Variants in TRDN observed in about 807,000 individuals in gnomAD.
The protein encoded by TRDN is triadin, also known as triadin in skeletal muscle.
Under a neutral mutation model 149.7 loss-of-function variants are expected in TRDN, and 161 were observed. The ratio of observed to expected loss-of-function variants is 1.08; its 90% CI spans 0.95 to 1.23. TRDN has a LOEUF of 1.23. Ranked by LOEUF, TRDN falls within the 50% of genes most tolerant of loss-of-function variation. The pLI is 0.00. For synonymous variants in TRDN, 294 were observed against 250.5 expected, an observed-to-expected ratio of 1.17 and a Z score of -1.64; for missense variants, 896 against 823.5, an observed-to-expected ratio of 1.09 and a Z score of -1.08.
At chr6:123,343,908 T>C (rs949185906) in intron 21 of TRDN, among the ~76,000 whole-genome samples, 1 of 152,008 alleles carries the variant, frequency 6.6e-6, no homozygotes, top group Non-Finnish European at 1.5e-5. Context: ...ATGGCACCTC[T>C]GGCAGATAAT....
At chr6:123,340,690 G>A (rs546405440) in intron 21 of TRDN, among the ~76,000 whole-genome samples, 70 of 151,742 alleles carry the variant, frequency 4.6e-4, no homozygotes, top group East Asian at 2.1e-3. Context: ...ATTTTTTCAC[G>A]AACATAATGA....
At chr6:123,315,508 A>C (rs1239140749) in intron 24 of TRDN, among the ~76,000 whole-genome samples, 2 of 151,966 alleles carry the variant, frequency 1.3e-5, no homozygotes, top group Non-Finnish European at 2.9e-5. Context: ...TAACATATAC[A>C]TAGAAGGGTG....
At chr6:123,227,247 A>G (rs949100662) in intron 38 of TRDN, among the ~76,000 whole-genome samples, 2 of 151,892 alleles carry the variant, frequency 1.3e-5, no homozygotes, top group African/African-American at 4.8e-5. Context: ...TCCAAGTAGG[A>G]GTCACTGAAG....
chr6:123,244,262 A>C (rs930231943), intron 38 of TRDN, among the ~76,000 whole-genome samples: 5 of 152,182 alleles, frequency 3.3e-5, no homozygotes, highest in Non-Finnish European at 7.3e-5. Context: ...AATTGACAGA[A>C]GTAGGCTTCA....
At chr6:123,224,014 G>GAAA in intron 39 of TRDN, 79 bp downstream of exon 39, 17 of 1,140,186 alleles carry the variant, frequency 1.5e-5, no homozygotes, top group South Asian at 3.1e-5. Flanking sequence ...GAATAGCTAG[G>GAAA]AAAAAAAAAA....
intron 1 of TRDN, among the ~76,000 whole-genome samples, chr6:123,635,981 C>T (rs1399459859): frequency 6.6e-6 from 1 of 151,778 alleles, no homozygotes; most frequent in Non-Finnish European, 1.5e-5. Flanking sequence ...TAGTATGTAG[C>T]TTTCAGTAAA....
chr6:123,438,218 T>C (rs1420646344), intron 11 of TRDN, 96 bp from the exon 12 acceptor site: 10 of 849,112 alleles, frequency 1.2e-5, no homozygotes, highest in Middle Eastern at 4.7e-4. Flanking sequence ...TAATTTATCT[T>C]GTATAGAGAA....
intron 5 of TRDN, among the ~76,000 whole-genome samples, chr6:123,525,693 A>T (rs989860002): frequency 5.9e-5 from 9 of 151,960 alleles, no homozygotes; most frequent in African/African-American, 2.2e-4. Context: ...CTTGAATCTA[A>T]AAGTTTTTTA....
At position 123,237,172 on chromosome 6, in the gene TRDN, TA is replaced by T. The variant is rs1476040641; in HGVS notation, c.1976-13042del. Among the ~76,000 whole-genome samples the T allele has an allele frequency of 7.5e-4, 35 of 46,616 alleles. No homozygotes were observed. The Admixed American group carries it at 8.5e-3, about 11-fold the overall frequency. 30.6% of individuals were successfully genotyped at this position (46,616 alleles called of 152,430 possible). A position where few individuals can be genotyped will look rare whatever the true frequency, so the allele number is the denominator to read the frequency against. The stretch of plus-strand genomic sequence containing the variant: ...GTATTTCATATTAGGTAACACGAAC[TA>T]ATTTTTTTTAAATTTTGTTTCCAAT... On this transcript the variant is annotated intron_variant, in intron 38 of 40. Coordinates refer to ENST00000334268, the MANE Select transcript of TRDN (RefSeq NM_006073.4).
chr6:123,587,649 G>A (rs1009879533), intron 1 of TRDN, among the ~76,000 whole-genome samples: 7 of 152,148 alleles, frequency 4.6e-5, no homozygotes, highest in Non-Finnish European at 1.0e-4. Context: ...GGCTTTGTGT[G>A]AGCAATAAAG....
intron 24 of TRDN, among the ~76,000 whole-genome samples, chr6:123,298,262 C>T (rs144063474): frequency 2.0e-5 from 3 of 152,074 alleles, no homozygotes; most frequent in South Asian, 2.1e-4. Context: ...AAAGATATCT[C>T]GAGTATGACC....
At chr6:123,301,047 A>G (rs1467987170) in intron 24 of TRDN, among the ~76,000 whole-genome samples, 1 of 152,002 alleles carries the variant, frequency 6.6e-6, no homozygotes, top group Non-Finnish European at 1.5e-5. Flanking sequence ...CATGAAATGA[A>G]CCTACAAAAA....
At chr6:123,316,525 C>A (rs1345746264) in intron 23 of TRDN, 30 bp from the exon 24 acceptor site, 1 of 1,599,822 alleles carries the variant, frequency 6.3e-7, no homozygotes, top group Non-Finnish European at 8.5e-7. Context: ...TAAACACGTA[C>A]AAACAAAAGG....
Position 123,289,330 on chromosome 6 carries a change from G to A in TRDN, c.1511-10248C>T, listed in dbSNP as rs537502094. 7.2e-5 allele frequency among the ~76,000 whole-genome samples: 11 copies of A among 151,938 alleles called. No homozygotes were observed. In the South Asian group the frequency reaches 1.7e-3, roughly 23 times the overall value. On this transcript the variant is annotated intron_variant, in intron 24 of 40. Coordinates refer to ENST00000334268, the MANE Select transcript of TRDN (RefSeq NM_006073.4). ...TGGTTACCAGAGGGTAGAGAATAGAGGGAGAGATGGGAAAAGCGATGATGC... is the reference window on the plus strand; with the variant it reads ...TGGTTACCAGAGGGTAGAGAATAGAAGGAGAGATGGGAAAAGCGATGATGC...
intron 14 of TRDN, among the ~76,000 whole-genome samples, chr6:123,382,762 C>T (rs1781768876): frequency 6.6e-6 from 1 of 151,884 alleles, no homozygotes; most frequent in Non-Finnish European, 1.5e-5. Context: ...ACATCGATTT[C>T]ATTTATAGTA....
chr6:123,518,314 C>T (rs548523445), intron 5 of TRDN, among the ~76,000 whole-genome samples: 3 of 152,254 alleles, frequency 2.0e-5, no homozygotes, highest in South Asian at 4.1e-4. Context: ...TTCATACTGA[C>T]CACAAATGGT....
intron 9 of TRDN, among the ~76,000 whole-genome samples, chr6:123,494,408 C>T (rs949522487): frequency 1.3e-5 from 2 of 152,082 alleles, no homozygotes; most frequent in African/African-American, 4.8e-5. Context: ...TAGCATCCCT[C>T]GCTGAATTTC....
At chr6:123,387,180 T>G (rs576909734) in intron 14 of TRDN, among the ~76,000 whole-genome samples, 112 of 152,204 alleles carry the variant, frequency 7.4e-4, no homozygotes, top group African/African-American at 2.6e-3. Context: ...TTTGTCAAAG[T>G]TTTTCATTTT....
intron 1 of TRDN, among the ~76,000 whole-genome samples, chr6:123,573,400 T>C (rs1415956698): frequency 2.0e-5 from 3 of 152,052 alleles, no homozygotes; most frequent in African/African-American, 7.2e-5. Flanking sequence ...ACTATTTTCA[T>C]TTATTACATC....
Sources: allele counts gnomAD v4.1 joint callset (sites outside exome capture counted in the v4.1 genomes callset), GRCh38; gene constraint gnomAD v4.1.1; transcripts MANE v1.5; gene names NCBI Gene and HGNC (gene_info 2026-07-23, HGNC 2026-07-21).